Variants in KIAA1328 observed in about 807,000 individuals in gnomAD.
KIAA1328 encodes protein hinderin.
KIAA1328 carries 52 observed loss-of-function variants against 68.1 expected under a neutral mutation model. The ratio of observed to expected loss-of-function variants is 0.76; its 90% CI spans 0.61 to 0.96. KIAA1328 has a LOEUF of 0.96. Among genes scored for constraint, KIAA1328 ranks in the 40% least tolerant of loss-of-function variants. KIAA1328 has a pLI of 0.00. For synonymous variants in KIAA1328, 232 were observed against 239.4 expected (o/e 0.97, Z 0.28); for missense variants, 641 against 677.6 (o/e 0.95, Z 0.60).
chr18:36,873,489 G>A (rs1029619286), intron 4 of KIAA1328, among the ~76,000 whole-genome samples: 1 of 152,014 alleles, frequency 6.6e-6, no homozygotes, highest in African/African-American at 2.4e-5. Context: ...ACTAAGCTGA[G>A]ATGTGACATC....
chr18:36,987,510 A>AAAT (rs61673085), intron 6 of KIAA1328, among the ~76,000 whole-genome samples: 87,856 of 148,888 alleles, frequency 0.59, 27,933 homozygotes, highest in East Asian at 0.87. Context: ...AAATAAATAA[A>AAAT]AATAAAAAAA....
chr18:36,908,860 C>T (rs1161709196), intron 5 of KIAA1328, among the ~76,000 whole-genome samples: 1 of 152,060 alleles, frequency 6.6e-6, no homozygotes, highest in African/African-American at 2.4e-5. Flanking sequence ...TTATAATGTA[C>T]AGCATTATGA....
chr18:36,930,322 GT>G (rs1302013573), intron 5 of KIAA1328, among the ~76,000 whole-genome samples: 1 of 152,062 alleles, frequency 6.6e-6, no homozygotes, highest in East Asian at 1.9e-4. Context: ...TTGGAATTCA[GT>G]TTACCTGATT....
intron 7 of KIAA1328, among the ~76,000 whole-genome samples, chr18:37,138,177 C>A (rs2058686840): frequency 6.6e-6 from 1 of 152,154 alleles, no homozygotes; most frequent in Non-Finnish European, 1.5e-5. Flanking sequence ...TTCTTTTATA[C>A]ATCTTATATT....
intron 6 of KIAA1328, among the ~76,000 whole-genome samples, chr18:36,993,196 G>A (rs1373878320): frequency 6.6e-6 from 1 of 152,126 alleles, no homozygotes; most frequent in African/African-American, 2.4e-5. Flanking sequence ...CTAAAATGAG[G>A]CATGATTCTA....
Position 37,173,097 on chromosome 18 carries a change from T to G in KIAA1328, c.1523+16T>G. On this transcript the variant is annotated intron_variant, in intron 9 of 9. Coordinates refer to ENST00000280020, the MANE Select transcript of KIAA1328 (RefSeq NM_020776.3). Reference sequence around the variant, plus strand: ...CCACCTCCCGGTAAGCTTCAGAGATTCTTTAGTTTTTAATATTCTCCCTAT... The same window carrying G: ...CCACCTCCCGGTAAGCTTCAGAGATGCTTTAGTTTTTAATATTCTCCCTAT... The G allele has an allele frequency of 6.3e-7, 1 of 1,579,844 alleles. No homozygotes were observed. The highest frequency in any genetic ancestry group is 8.7e-7 in the Non-Finnish European group (1 of 1,155,152).
At chr18:36,953,041 A>G (rs1321256320) in intron 5 of KIAA1328, among the ~76,000 whole-genome samples, 1 of 151,872 alleles carries the variant, frequency 6.6e-6, no homozygotes, top group East Asian at 1.9e-4. Flanking sequence ...TTATTATGAT[A>G]ACTTTCAAAT....
intron 7 of KIAA1328, among the ~76,000 whole-genome samples, chr18:37,082,748 G>T (rs974622224): frequency 1.3e-5 from 2 of 152,150 alleles, no homozygotes; most frequent in African/African-American, 2.4e-5. Flanking sequence ...TTTCGAAAGG[G>T]TATTATTTTT....
chr18:36,995,859 G>A (rs575461749), intron 6 of KIAA1328, among the ~76,000 whole-genome samples: 1 of 152,164 alleles, frequency 6.6e-6, no homozygotes, highest in East Asian at 1.9e-4. Context: ...GCATTTTTCC[G>A]GTTTCCCTGT....
At chr18:37,078,055 A>C (rs1194696217) in intron 7 of KIAA1328, among the ~76,000 whole-genome samples, 3 of 152,234 alleles carry the variant, frequency 2.0e-5, no homozygotes, top group South Asian at 2.1e-4. Context: ...AGCTGGAGGC[A>C]TCATGCTACC....
At chr18:36,985,262 T>A (rs759566775) in intron 6 of KIAA1328, among the ~76,000 whole-genome samples, 3 of 152,178 alleles carry the variant, frequency 2.0e-5, no homozygotes, top group Non-Finnish European at 4.4e-5. Context: ...ATCACACCAC[T>A]GCACTCCAAC....
chr18:36,991,090 G>C (rs991635598), intron 6 of KIAA1328, among the ~76,000 whole-genome samples: 4 of 152,026 alleles, frequency 2.6e-5, no homozygotes, highest in Non-Finnish European at 4.4e-5. Flanking sequence ...AATTATAAAA[G>C]TAAGTTACAT....
At chr18:37,008,861 TAAG>T (rs1441506156) in intron 6 of KIAA1328, among the ~76,000 whole-genome samples, 6 of 152,038 alleles carry the variant, frequency 3.9e-5, no homozygotes, top group Non-Finnish European at 8.8e-5. Context: ...GATACAGTCT[TAAG>T]AAGGGGAAAA....
In KIAA1328 at chr18:37,183,593, A is replaced by T. The variant is rs150706990; in HGVS notation, c.1523+10512A>T. ...CTTCTTTCCATTAGCAATTTTTATT[A>T]GTCATCATTATCCTCCTCCCAAGGG... On this transcript the variant is annotated intron_variant, in intron 9 of 9. Coordinates refer to ENST00000280020, the MANE Select transcript of KIAA1328 (RefSeq NM_020776.3). Among the ~76,000 whole-genome samples the T allele has an allele frequency of 4.2e-3, 633 of 152,312 alleles. 2 individuals are homozygous for T. Among genetic ancestry groups the T allele is most frequent in the Non-Finnish European group, 6.6e-3 (447 of 68,024 alleles).
intron 5 of KIAA1328, chr18:36,946,129 A>C (rs2050890535): frequency 6.6e-6 from 1 of 152,238 alleles, no homozygotes; most frequent in East Asian, 1.9e-4. Flanking sequence ...GTAGTTAGCC[A>C]AAATAGAAAT....
intron 7 of KIAA1328, among the ~76,000 whole-genome samples, chr18:37,150,389 A>G (rs1389761001): frequency 1.3e-5 from 2 of 152,156 alleles, no homozygotes; most frequent in East Asian, 1.9e-4. Flanking sequence ...CTCTGCAGAC[A>G]TTGCCATATG....
At chr18:37,076,744 T>G (rs1163713727) in intron 7 of KIAA1328, among the ~76,000 whole-genome samples, 2 of 151,924 alleles carry the variant, frequency 1.3e-5, no homozygotes, top group African/African-American at 4.8e-5. Context: ...AAGAAATGGA[T>G]AAATTCCTCG....
intron 5 of KIAA1328, chr18:36,901,839 G>A (rs2049049719): frequency 6.6e-6 from 1 of 151,960 alleles, no homozygotes; most frequent in Non-Finnish European, 1.5e-5. Context: ...AGTGTTATTT[G>A]GCTTAACAGG....
rs2056357091 is a variant in KIAA1328, at chr18:37,066,881, T to A, written c.577-9T>A. 6.4e-7 allele frequency: 1 copy of A among 1,552,886 alleles called. No homozygotes were observed. Among genetic ancestry groups the A allele is most frequent in the South Asian group, 1.2e-5 (1 of 81,524 alleles). On this transcript the variant is annotated splice_polypyrimidine_tract_variant and intron_variant, in intron 6 of 9. Coordinates refer to ENST00000280020, the MANE Select transcript of KIAA1328 (RefSeq NM_020776.3). ...CTTATTTGACAGGTGATCTTGTGGTTCTTTCTAGGTATCCAGTAGAAAAAG... is the reference window on the plus strand; with the variant it reads ...CTTATTTGACAGGTGATCTTGTGGTACTTTCTAGGTATCCAGTAGAAAAAG...
Sources: allele counts gnomAD v4.1 joint callset (sites outside exome capture counted in the v4.1 genomes callset), GRCh38; gene constraint gnomAD v4.1.1; transcripts MANE v1.5; gene names NCBI Gene and HGNC (gene_info 2026-07-23, HGNC 2026-07-21).